CNGB1: variants seen among roughly 807,000 people sequenced by gnomAD.
The protein encoded by CNGB1 is cyclic nucleotide gated channel subunit beta 1.
Under a neutral mutation model 151.7 loss-of-function variants are expected in CNGB1, and 126 were observed. That is an observed-to-expected ratio of 0.83 (90% CI 0.72 to 0.96). The LOEUF (loss-of-function observed/expected upper bound fraction) is 0.96, where lower values mean the gene tolerates loss of function less well. CNGB1 is among the 40% of genes least tolerant of loss of function. The pLI is 0.00. For missense variants in CNGB1, 1,698 were observed against 1,627.0 expected, an observed-to-expected ratio of 1.04 and a Z score of -0.75; for synonymous variants, 623 against 635.1, an observed-to-expected ratio of 0.98 and a Z score of 0.29.
At chr16:57,913,039 A>C in intron 23 of CNGB1, 45 bp from the exon 24 acceptor site, 3 of 1,597,176 alleles carry the variant, frequency 1.9e-6, no homozygotes, top group Non-Finnish European at 2.6e-6. Context: ...GGCCATAGGT[A>C]GCATGCTGCT....
rs35159491 is a variant in CNGB1 at position 57,901,819 on chromosome 16, C to T, written c.2795-194G>A. 4.6e-3 allele frequency among the ~76,000 whole-genome samples: 704 copies of T among 152,344 alleles called. 1 individual carries two copies. The highest frequency in any genetic ancestry group is 7.3e-3 in the Non-Finnish European group (497 of 68,034). The stretch of plus-strand genomic sequence containing the variant: ...ACCGTTTCCTCTGCCAGGAGCACCC[C>T]TGTGCATTTCCCAAACTCCTACTCA... On this transcript the variant is annotated intron_variant, in intron 27 of 32. Coordinates refer to ENST00000251102, the MANE Select transcript of CNGB1 (RefSeq NM_001297.5).
chr16:57,915,408 G>A (rs141317914), intron 22 of CNGB1, 73 bp from the exon 23 acceptor site: 25 of 1,150,102 alleles, frequency 2.2e-5, no homozygotes, highest in African/African-American at 6.1e-5. Flanking sequence ...AGTGAGAGGC[G>A]GAGTCTCTCC....
intron 17 of CNGB1, among the ~76,000 whole-genome samples, chr16:57,923,910 C>T (rs187104939): frequency 6.6e-6 from 1 of 152,230 alleles, no homozygotes; most frequent in Admixed American, 6.5e-5. Flanking sequence ...TAGGTAAGTC[C>T]CATCCCCTCC....
At chr16:57,928,284 G>A (rs529794171) in intron 17 of CNGB1, among the ~76,000 whole-genome samples, 1 of 152,248 alleles carries the variant, frequency 6.6e-6, no homozygotes, top group Non-Finnish European at 1.5e-5. Context: ...TGTCACTCTT[G>A]AGAAAGGAGC....
intron 1 of CNGB1, among the ~76,000 whole-genome samples, chr16:57,970,205 TG>T (rs1358667431): frequency 6.6e-6 from 1 of 151,982 alleles, no homozygotes; most frequent in Non-Finnish European, 1.5e-5. Flanking sequence ...TCCCTGAAGG[TG>T]GGGGCACAGA....
intron 1 of CNGB1, among the ~76,000 whole-genome samples, chr16:57,970,223 G>A (rs1962505967): frequency 6.6e-6 from 1 of 152,186 alleles, no homozygotes; most frequent in Non-Finnish European, 1.5e-5. Flanking sequence ...CAGACACAAT[G>A]TTTTCCCAGG....
At chr16:57,917,597 A>AGT (rs149118059) in intron 20 of CNGB1, 121 bp from the exon 21 acceptor site, 294,266 of 719,690 alleles carry the variant, frequency 0.41, 61,441 homozygotes, top group African/African-American at 0.56. Context: ...CTTTTGTAAG[A>AGT]GTGTGTGTAT....
At chr16:57,890,762 C>T (rs992605430) in intron 31 of CNGB1, among the ~76,000 whole-genome samples, 1 of 152,236 alleles carries the variant, frequency 6.6e-6, no homozygotes, top group Non-Finnish European at 1.5e-5. Flanking sequence ...CCCTCACCAA[C>T]TCAGATGTCC....
At chr16:57,903,661 C>T (rs1960450550) in intron 27 of CNGB1, among the ~76,000 whole-genome samples, 161 bp downstream of exon 27, 1 of 152,194 alleles carries the variant, frequency 6.6e-6, no homozygotes, top group Non-Finnish European at 1.5e-5. Context: ...CCCCACTGGG[C>T]ACCTCTCACA....
chr16:57,903,660 G>T (rs1596961826), intron 27 of CNGB1, among the ~76,000 whole-genome samples, 162 bp downstream of exon 27: 2 of 152,272 alleles, frequency 1.3e-5, no homozygotes, highest in South Asian at 4.1e-4. Flanking sequence ...GCCCCACTGG[G>T]CACCTCTCAC....
intron 17 of CNGB1, among the ~76,000 whole-genome samples, chr16:57,926,878 G>T (rs1176545288): frequency 6.6e-6 from 1 of 152,242 alleles, no homozygotes; most frequent in Non-Finnish European, 1.5e-5. Flanking sequence ...TACTTGGGAG[G>T]CTGAGGTAGG....
chr16:57,922,076 G>A lies in CNGB1; in HGVS notation c.1643+1197C>T, dbSNP rs547951113. 6.6e-5 allele frequency among the ~76,000 whole-genome samples: 10 copies of A among 152,288 alleles called. 1 individual carries two copies. Among genetic ancestry groups the A allele is most frequent in the South Asian group, 6.2e-4 (3 of 4,826 alleles). ...ATCTCATAAAATGTGAGTCCACTGC[G>A]TGCTGCAGTGGGCAACTGGACTGAG... On this transcript the variant is annotated intron_variant, in intron 18 of 32. Transcript: ENST00000251102.
chr16:57,884,214 G>T lies in CNGB1; in HGVS notation c.3706C>A (p.Gln1236Lys), dbSNP rs576639139. 6.2e-7 allele frequency: 1 copy of T among 1,613,968 alleles called. No homozygotes were observed. The highest frequency in any genetic ancestry group is 8.5e-7 in the Non-Finnish European group (1 of 1,179,918). The change falls in exon 33 of 33, where the codon CAG (glutamine) becomes AAG (lysine). Residue 1236 changes from glutamine (Q) to lysine (K), a missense_variant. Physicochemically the swap from Gln to Lys is moderately conservative, Grantham distance 53. Transcript: ENST00000251102. ...TCCGGCATCTTCACCGACAGGATCT[G>T]CTCTCCCGGCTCCGGGCCCGGGCTC... ...CMSPGPEPGE[Q>K]ILSVKMPEER...
intron 17 of CNGB1, among the ~76,000 whole-genome samples, chr16:57,929,578 GAAAC>G (rs1432125642): frequency 2.0e-5 from 3 of 152,124 alleles, no homozygotes; most frequent in African/African-American, 4.8e-5. Flanking sequence ...GAGGCCTCAG[GAAAC>G]AAACAATCAT....
At chr16:57,893,193 G>A (rs1426967975) in intron 31 of CNGB1, among the ~76,000 whole-genome samples, 1 of 152,186 alleles carries the variant, frequency 6.6e-6, no homozygotes, top group Non-Finnish European at 1.5e-5. Flanking sequence ...ACCCAGATAT[G>A]TGGATTAAAA....
At chr16:57,900,120 C>G (rs1300899254) in intron 29 of CNGB1, among the ~76,000 whole-genome samples, 1 of 152,204 alleles carries the variant, frequency 6.6e-6, no homozygotes, top group African/African-American at 2.4e-5. Flanking sequence ...ATCAACATCC[C>G]CCACTTTATC....
chr16:57,901,633 C>T lies in CNGB1; in HGVS notation c.2795-8G>A. On this transcript the variant is annotated splice_polypyrimidine_tract_variant and splice_region_variant and intron_variant, in intron 27 of 32. Coordinates refer to ENST00000251102, the MANE Select transcript of CNGB1 (RefSeq NM_001297.5). Reference sequence around the variant, plus strand: ...CCATCAGCTCTGACTCATCTGTGAACAAGGCCTGGCAAGGGTCAGAGGCAA... The same window carrying T: ...CCATCAGCTCTGACTCATCTGTGAATAAGGCCTGGCAAGGGTCAGAGGCAA... 1.2e-6 allele frequency: 2 copies of T among 1,612,308 alleles called. No individual in the cohort carries two copies. Among genetic ancestry groups the T allele is most frequent in the Non-Finnish European group, 1.7e-6 (2 of 1,179,100 alleles).
chr16:57,947,705 T>C (rs746935104), intron 14 of CNGB1, among the ~76,000 whole-genome samples: 5 of 152,164 alleles, frequency 3.3e-5, no homozygotes, highest in African/African-American at 7.2e-5. Context: ...CAGCTGACAC[T>C]GAACAGGCTT....
rs772055206 is a variant in CNGB1 at position 57,888,062 on chromosome 16, T to A, written c.3255A>T (p.Arg1085Ser). The A allele has an allele frequency of 1.7e-5, 27 of 1,613,828 alleles. No individual in the cohort carries two copies. Among genetic ancestry groups the A allele is most frequent in the Non-Finnish European group, 2.1e-5 (25 of 1,180,034 alleles). Reference sequence around the variant, plus strand: ...TCTCCTCCTTGGGCTTATTGTTGCTTCTCAGCATGCGCCTGGAAGAAAGCA... The same window carrying A: ...TCTCCTCCTTGGGCTTATTGTTGCTACTCAGCATGCGCCTGGAAGAAAGCA... ...LLRKKARRML[R>S]SNNKPKEEKS... The change falls in exon 32 of 33, where the codon AGA (arginine) becomes AGT (serine). Residue 1085 changes from arginine to serine, a missense_variant. Coordinates refer to ENST00000251102, the MANE Select transcript of CNGB1 (RefSeq NM_001297.5).
Sources: gnomAD v4.1 joint callset for allele counts (sites outside exome capture counted in the v4.1 genomes callset) on GRCh38, gnomAD v4.1.1 for gene constraint, MANE v1.5 for transcripts, NCBI Gene and HGNC (gene_info 2026-07-23, HGNC 2026-07-21) for gene names.